CDH15: variants seen among roughly 807,000 people sequenced by gnomAD.
CDH15 encodes the protein cadherin 15.
In CDH15, 73 loss-of-function variants were observed where a neutral mutation model predicts 69.4. The observed-to-expected ratio is 1.05, with a 90% CI of 0.87 to 1.28. The LOEUF is 1.28. CDH15 is among the 50% of genes most tolerant of loss of function. CDH15 has a pLI of 0.00. For missense variants in CDH15, 1,343 were observed against 1,133.6 expected (o/e 1.18, Z -2.65); for synonymous variants, 624 against 507.7 (o/e 1.23, Z -3.08).
At chr16:89,185,139 G>A (rs769040110) in intron 4 of CDH15, 34 bp from the exon 5 acceptor site, 4 of 1,564,414 alleles carry the variant, frequency 2.6e-6, no homozygotes, top group Non-Finnish European at 2.6e-6. Context: ...CGGCCCTGTG[G>A]ACGTTGGCCC....
chr16:89,190,097 A>T, intron 7 of CDH15, 146 bp from the exon 8 acceptor site: 1 of 849,556 alleles, frequency 1.2e-6, no homozygotes, highest in Non-Finnish European at 1.9e-6. Context: ...CTTGTCCTGC[A>T]TAATTTGTTT....
chr16:89,190,294 A>G lies in CDH15; in HGVS notation c.1030A>G (p.Asn344Asp). ...EHYELKVSVQ[N>D]EAPLQAAALR... The stretch of plus-strand genomic sequence containing the variant: ...CTACGAACTCAAAGTGTCGGTGCAG[A>G]ATGAGGCCCCGCTGCAGGCGGCTGC... The change falls in exon 8 of 14, where the codon AAT becomes GAT. Residue 344 changes from asparagine (N) to aspartate (D), a missense_variant. Asn to Asp is a conservative substitution (Grantham distance 23). Coordinates refer to ENST00000289746, the MANE Select transcript of CDH15 (RefSeq NM_004933.3). The G allele has an allele frequency of 1.9e-6, 3 of 1,612,704 alleles. No individual in the cohort carries two copies. Among genetic ancestry groups the G allele is most frequent in the Non-Finnish European group, 1.7e-6 (2 of 1,179,898 alleles).
At chr16:89,173,310 C>T (rs1187341020) in intron 1 of CDH15, among the ~76,000 whole-genome samples, 1 of 152,104 alleles carries the variant, frequency 6.6e-6, no homozygotes, top group East Asian at 1.9e-4. Flanking sequence ...GAGGCTGGCG[C>T]CTGTGAAAAC....
Position 89,195,247 on chromosome 16 carries a change from T to G in CDH15, c.*92T>G. The G allele has an allele frequency of 1.5e-6, 2 of 1,337,568 alleles. No homozygotes were observed. The highest frequency in any genetic ancestry group is 2.0e-6 in the Non-Finnish European group (2 of 1,006,744). 82.9% of individuals were successfully genotyped at this position (1,337,568 alleles called of 1,614,324 possible). On this transcript the variant is annotated 3_prime_UTR_variant, in exon 14 of 14. Coordinates refer to ENST00000289746, the MANE Select transcript of CDH15 (RefSeq NM_004933.3). The stretch of plus-strand genomic sequence containing the variant: ...CTGAGGTCACCGGGCCCGACCCCCC[T>G]GGGCCTGGGGCAGCCTCCTTCCTGT...
chr16:89,179,656 G>A, intron 2 of CDH15, 82 bp downstream of exon 2: 1 of 1,397,154 alleles, frequency 7.2e-7, no homozygotes, highest in South Asian at 1.4e-5. Flanking sequence ...AAGGTCTCCT[G>A]GGAGCCAGCG....
chr16:89,172,293 C>T (rs1263189696), intron 1 of CDH15, among the ~76,000 whole-genome samples: 1 of 152,068 alleles, frequency 6.6e-6, no homozygotes, highest in Non-Finnish European at 1.5e-5. Context: ...CTGCGGTGGG[C>T]ACAGGACCCC....
intron 4 of CDH15, among the ~76,000 whole-genome samples, chr16:89,184,116 G>A (rs1915432281): frequency 6.6e-6 from 1 of 152,186 alleles, no homozygotes; most frequent in African/African-American, 2.4e-5. Context: ...CTGGGGGCCG[G>A]TGGTAAAGAC....
At chr16:89,192,041 A>C in intron 10 of CDH15, 147 bp downstream of exon 10, 1 of 1,058,660 alleles carries the variant, frequency 9.4e-7, no homozygotes, top group Non-Finnish European at 1.3e-6. Flanking sequence ...CCACCACTGC[A>C]TCCTCCCGTG....
At chr16:89,187,022 G>A (rs113033947) in intron 5 of CDH15, among the ~76,000 whole-genome samples, 38 of 151,096 alleles carry the variant, frequency 2.5e-4, no homozygotes, top group Admixed American at 7.2e-4. Flanking sequence ...CTCTGTAAAC[G>A]CTTACCCAGT....
Position 89,190,377 on chromosome 16 carries a change from GC to G in CDH15, c.1119del (p.Val374CysfsTer11), listed in dbSNP as rs1339133276. 2.5e-6 allele frequency: 4 copies of G among 1,612,802 alleles called. No individual in the cohort carries two copies. The highest frequency in any genetic ancestry group is 3.4e-6 in the Non-Finnish European group (4 of 1,180,000). On this transcript the variant is annotated frameshift_variant, in exon 8 of 14. Transcript: ENST00000289746. LOFTEE classifies it high-confidence loss of function. ...GCGTGCATGTGCAGGACACCAACGAGCCCCCCGTGTTCCAGGAGAACCCACT... is the reference window on the plus strand; with the variant it reads ...GCGTGCATGTGCAGGACACCAACGAGCCCCCGTGTTCCAGGAGAACCCACT... ...VRVHVQDTNEPPVFQENPLRT... is the reference protein window; with the variant it reads ...VRVHVQDTNEXPVFQENPLRT...
Position 89,191,933 on chromosome 16 carries a change from G to A in CDH15, c.1615+39G>A, listed in dbSNP as rs1041736507. 50 of 1,468,544 alleles carry A rather than the reference G, an allele frequency of 3.4e-5. No individual in the cohort carries two copies. In the East Asian group the frequency reaches 6.2e-4, roughly 18 times the overall value. The allele number at this position is 1,468,544 out of a possible 1,614,324, so 91.0% of individuals were successfully genotyped here. On this transcript the variant is annotated intron_variant, in intron 10 of 13. Coordinates refer to ENST00000289746, the MANE Select transcript of CDH15 (RefSeq NM_004933.3). ...ACCGCCGCGCTCCCCCCATCCCCAC[G>A]CTCCCCCCACCCCCACATTCCGGCC...
rs778339645 is a variant in CDH15 at position 89,190,327 on chromosome 16, GC to G, written c.1064del (p.Ala355ValfsTer30). The G allele has an allele frequency of 6.2e-7, 1 of 1,612,396 alleles. No individual in the cohort carries two copies. Among genetic ancestry groups the G allele is most frequent in the South Asian group, 1.1e-5 (1 of 90,976 alleles). Reference protein sequence around the residue: ...EAPLQAAALRAERGQAKVRVH... With the variant: ...EAPLQAAALRXERGQAKVRVH... ...CCCGCTGCAGGCGGCTGCCCTTAGG[GC>G]TGAGCGGGGCCAGGCCAAGGTCCGC... On this transcript the variant is annotated frameshift_variant, in exon 8 of 14. Coordinates refer to ENST00000289746, the MANE Select transcript of CDH15 (RefSeq NM_004933.3). LOFTEE classifies it high-confidence loss of function.
chr16:89,185,373 G>T, intron 5 of CDH15, 40 bp downstream of exon 5: 1 of 1,559,712 alleles, frequency 6.4e-7, no homozygotes, highest in African/African-American at 1.4e-5. Flanking sequence ...CGCACGGCCA[G>T]GGCAGCCCAT....
At chr16:89,176,753 A>G (rs1359478458) in intron 1 of CDH15, among the ~76,000 whole-genome samples, 1 of 151,932 alleles carries the variant, frequency 6.6e-6, no homozygotes, top group African/African-American at 2.4e-5. Context: ...GGCCGCGAAG[A>G]TGGTGATATT....
At chr16:89,183,395 C>A (rs930945253) in intron 3 of CDH15, 153 bp from the exon 4 acceptor site, 1 of 829,252 alleles carries the variant, frequency 1.2e-6, no homozygotes, top group Non-Finnish European at 1.9e-6. Flanking sequence ...GTCACTGTGA[C>A]AGATGCCCCA....
intron 1 of CDH15, among the ~76,000 whole-genome samples, chr16:89,177,420 T>C: frequency 6.6e-6 from 1 of 152,020 alleles, no homozygotes; most frequent in East Asian, 1.9e-4. Context: ...TCTTGGATGG[T>C]GAATATCTAG....
chr16:89,191,847 C>T lies in CDH15; in HGVS notation c.1568C>T (p.Pro523Leu). 1 of 1,600,988 alleles carries T rather than the reference C, an allele frequency of 6.2e-7. No homozygotes were observed. Among genetic ancestry groups the T allele is most frequent in the Non-Finnish European group, 8.5e-7 (1 of 1,178,196 alleles). Residue 523 changes from proline (P) to leucine (L), a missense_variant, in exon 10 of 14, where the codon CCC becomes CTC. Coordinates refer to ENST00000289746, the MANE Select transcript of CDH15 (RefSeq NM_004933.3). The part of the protein sequence containing the change: ...HGAPFHFQLS[P>L]RLPELGRNWS... ...GCCCCCTTCCACTTCCAGCTGAGCC[C>T]CAGGCTCCCAGAGCTCGGCCGGAAC...
Position 89,194,894 on chromosome 16 carries a change from G to A in CDH15, c.2184G>A (p.Val728=). The part of the protein sequence containing the change: ...GLEAADSDPS[V]PPYDTALIYD... Reference sequence around the variant, plus strand: ...AGGCTGCAGATAGTGACCCCAGTGTGCCGCCTTACGACACAGCCCTCATCT... The same window carrying A: ...AGGCTGCAGATAGTGACCCCAGTGTACCGCCTTACGACACAGCCCTCATCT... The change falls in exon 14 of 14, where the codon GTG becomes GTA. Residue 728 remains valine (V), a synonymous_variant. Transcript: ENST00000289746. The A allele has an allele frequency of 1.2e-6, 2 of 1,607,106 alleles. No homozygotes were observed. Among genetic ancestry groups the A allele is most frequent in the South Asian group, 2.2e-5 (2 of 90,124 alleles).
chr16:89,184,655 C>A (rs545257052), intron 4 of CDH15, among the ~76,000 whole-genome samples: 1 of 152,254 alleles, frequency 6.6e-6, no homozygotes, highest in East Asian at 1.9e-4. Flanking sequence ...CGTGCGTCCT[C>A]TGTTTTATCC....
Sources: allele counts gnomAD v4.1 joint callset (sites outside exome capture counted in the v4.1 genomes callset), GRCh38; gene constraint gnomAD v4.1.1; transcripts MANE v1.5; gene names NCBI Gene and HGNC (gene_info 2026-07-23, HGNC 2026-07-21).